ZNF331: variants seen among roughly 807,000 people sequenced by gnomAD.
ZNF331 encodes the protein C2H2-like zinc finger protein rearranged in thyroid adenomas.
A neutral mutation model predicts 7.0 loss-of-function variants in ZNF331; 2 were observed. The ratio of observed to expected loss-of-function variants is 0.29; its 90% CI spans 0.12 to 0.90. The LOEUF is 0.90. ZNF331 is among the 40% of genes least tolerant of loss of function. ZNF331 has a pLI of 0.58. For missense variants in ZNF331, 432 were observed against 587.7 expected (o/e 0.74, Z 2.74); for synonymous variants, 196 against 205.4 (o/e 0.95, Z 0.39).
intron 2 of ZNF331, among the ~76,000 whole-genome samples, chr19:53,545,496 G>A (rs973217164): frequency 5.9e-5 from 9 of 152,176 alleles, no homozygotes; most frequent in East Asian, 3.9e-4. Flanking sequence ...GAGAACAGCC[G>A]TGGCTCGCCC....
At chr19:53,556,298 C>T (rs1000773729) in intron 3 of ZNF331, among the ~76,000 whole-genome samples, 3 of 150,324 alleles carry the variant, frequency 2.0e-5, no homozygotes, top group Non-Finnish European at 4.4e-5. Context: ...TGTAAATATC[C>T]TATCCAAGAT....
At chr19:53,552,071 A>C (rs1019952230) in intron 2 of ZNF331, among the ~76,000 whole-genome samples, 1 of 152,156 alleles carries the variant, frequency 6.6e-6, no homozygotes, top group Non-Finnish European at 1.5e-5. Context: ...AAAAATACCC[A>C]CTATACAAAT....
intron 3 of ZNF331, among the ~76,000 whole-genome samples, 192 bp downstream of exon 3, chr19:53,556,100 G>A (rs538078029): frequency 5.1e-4 from 78 of 151,802 alleles, no homozygotes; most frequent in African/African-American, 1.8e-3. Context: ...AAAATTAGCC[G>A]GGAGTGGTGG....
In ZNF331 at chr19:53,539,092, A is replaced by G. The variant is rs1293553176; in HGVS notation, c.-204-124A>G. On this transcript the variant is annotated intron_variant, in intron 1 of 5. Transcript: ENST00000449416. The surrounding 1 kb of genome is among the most constrained non-coding windows in gnomAD (Gnocchi z 6.1). ...AGGGAGGGGGGCAGCTCCACGCGTC[A>G]TCATCTCAATCGCCACAGCGTGCTC... The G allele has an allele frequency of 3.3e-5, 5 of 152,166 alleles. No individual in the cohort carries two copies. The East Asian group carries it at 7.8e-4, about 24-fold the overall frequency. 9.4% of individuals were successfully genotyped at this position (152,166 alleles called of 1,614,324 possible). A position where few individuals can be genotyped will look rare whatever the true frequency, so the allele number is the denominator to read the frequency against.
chr19:53,527,866 C>G (rs1351490813), intron 2 of ZNF331, among the ~76,000 whole-genome samples: 2 of 117,434 alleles, frequency 1.7e-5, no homozygotes, highest in Non-Finnish European at 3.6e-5. Context: ...ATCAAGAAAG[C>G]CTTTCAGAAT....
At chr19:53,518,567 G>A (rs1374057009), upstream of ZNF331, among the ~76,000 whole-genome samples, 3 of 152,190 alleles carry the variant, frequency 2.0e-5, no homozygotes, top group Non-Finnish European at 4.4e-5. Flanking sequence ...TCACTTGGTA[G>A]TCAGAGCCAT....
At chr19:53,561,796 T>C (rs1242817661) in intron 3 of ZNF331, among the ~76,000 whole-genome samples, 1 of 152,076 alleles carries the variant, frequency 6.6e-6, no homozygotes, top group Non-Finnish European at 1.5e-5. Context: ...AAGGCTGCAA[T>C]GAGCCGTGAT....
At chr19:53,550,621 C>G (rs544445379) in intron 2 of ZNF331, among the ~76,000 whole-genome samples, 1 of 128,542 alleles carries the variant, frequency 7.8e-6, no homozygotes, top group African/African-American at 2.8e-5. Flanking sequence ...ACTGCAACTT[C>G]CGCCTCCCAA....
intron 2 of ZNF331, among the ~76,000 whole-genome samples, chr19:53,541,203 G>A (rs2088151850): frequency 1.3e-5 from 2 of 151,280 alleles, no homozygotes. Flanking sequence ...TGCCTCCTGG[G>A]TTCAAGCAAT....
At chr19:53,531,471 GAGCTT>G (rs1265171958) in intron 2 of ZNF331, among the ~76,000 whole-genome samples, 1 of 152,120 alleles carries the variant, frequency 6.6e-6, no homozygotes, top group Admixed American at 6.5e-5. Flanking sequence ...ATACCTCCTG[GAGCTT>G]AACATTAGTG....
intron 2 of ZNF331, among the ~76,000 whole-genome samples, chr19:53,540,674 T>C (rs996036284): frequency 1.5e-5 from 2 of 133,910 alleles, no homozygotes; most frequent in Non-Finnish European, 3.2e-5. Flanking sequence ...CTCAGGTGAT[T>C]AATTAGCCGG....
At chr19:53,548,491 A>C (rs1213877651) in intron 2 of ZNF331, among the ~76,000 whole-genome samples, 1 of 152,050 alleles carries the variant, frequency 6.6e-6, no homozygotes, top group Non-Finnish European at 1.5e-5. Context: ...TCCTGGGCTC[A>C]AGCAGTCCTC....
At chr19:53,551,623 G>C (rs527812007) in intron 2 of ZNF331, among the ~76,000 whole-genome samples, 2 of 152,182 alleles carry the variant, frequency 1.3e-5, no homozygotes, top group South Asian at 4.2e-4. Flanking sequence ...TGCATCTGTG[G>C]ATTCAGCCAC....
chr19:53,569,753 A>G (rs974499461), intron 4 of ZNF331, among the ~76,000 whole-genome samples: 1 of 152,166 alleles, frequency 6.6e-6, no homozygotes, highest in African/African-American at 2.4e-5. Flanking sequence ...CTGCGTAGAT[A>G]AGAGGGAATG....
At chr19:53,575,779 G>A (rs538780439) in intron 5 of ZNF331, among the ~76,000 whole-genome samples, 4 of 151,994 alleles carry the variant, frequency 2.6e-5, no homozygotes, top group Non-Finnish European at 4.4e-5. Flanking sequence ...TGCCTCCCGG[G>A]TTCAAGCGAT....
At chr19:53,510,944 C>T in the ZNF331 span, among the ~76,000 whole-genome samples, 76 of 152,138 alleles carry the variant, frequency 5.0e-4, 1 homozygote, top group East Asian at 0.014. Flanking sequence ...CCAAATCTAA[C>T]TTGTAAATTA....
At chr19:53,505,446 G>A in the ZNF331 span, among the ~76,000 whole-genome samples, 72 of 152,186 alleles carry the variant, frequency 4.7e-4, no homozygotes, top group East Asian at 3.7e-3. Context: ...TGATCTGCCC[G>A]CTTGTGCCTC....
chr19:53,504,508 A>G, the ZNF331 span, among the ~76,000 whole-genome samples: 32 of 152,130 alleles, frequency 2.1e-4, no homozygotes, highest in Non-Finnish European at 4.1e-4. Context: ...GAATCAGCTT[A>G]GAGGTTTTCG....
chr19:53,546,139 GGAAAAAAAAA>G (rs1480519502), intron 2 of ZNF331, among the ~76,000 whole-genome samples: 5 of 29,878 alleles, frequency 1.7e-4, no homozygotes, highest in African/African-American at 4.2e-4. Context: ...ATCCTGAGGG[GGAAAAAAAAA>G]AAAAAAAAAA....
Sources: allele counts gnomAD v4.1 joint callset (sites outside exome capture counted in the v4.1 genomes callset), GRCh38; gene constraint gnomAD v4.1.1; non-coding constraint Gnocchi (gnomAD v3.1); transcripts MANE v1.5; gene names NCBI Gene and HGNC (gene_info 2026-07-23, HGNC 2026-07-21).